Variants in ENOX1 observed in about 807,000 individuals in gnomAD.
ENOX1 encodes ecto-NOX disulfide-thiol exchanger 1, also known as candidate growth-related and time keeping constitutive hydroquinone (NADH) oxidase.
Under a neutral mutation model 82.5 loss-of-function variants are expected in ENOX1, and 42 were observed. The ratio of observed to expected loss-of-function variants is 0.51; its 90% confidence interval spans 0.40 to 0.66. The LOEUF (loss-of-function observed/expected upper bound fraction) is 0.66. ENOX1 is among the 30% of genes least tolerant of loss of function. ENOX1 has a pLI of 0.00. For missense variants in ENOX1, 608 were observed against 811.6 expected (o/e 0.75, Z 3.05); for synonymous variants, 271 against 282.2 (o/e 0.96, Z 0.40).
chr13:43,509,656 A>G (rs2077294167), intron 2 of ENOX1, among the ~76,000 whole-genome samples: 1 of 152,108 alleles, frequency 6.6e-6, no homozygotes, highest in African/African-American at 2.4e-5. Flanking sequence ...AAATGTCCAA[A>G]TAAGAAAGAT....
At chr13:43,685,994 T>C (rs1007769871) in intron 1 of ENOX1, among the ~76,000 whole-genome samples, 1 of 152,000 alleles carries the variant, frequency 6.6e-6, no homozygotes, top group Admixed American at 6.6e-5. Context: ...TCAAAAGTCA[T>C]GTATGAGTCC....
chr13:43,755,033 A>G (rs772192163), intron 1 of ENOX1, among the ~76,000 whole-genome samples: 4 of 151,838 alleles, frequency 2.6e-5, no homozygotes, highest in Non-Finnish European at 5.9e-5. Context: ...CAGAGGTCAC[A>G]TGTTTCTCCA....
At chr13:43,506,849 C>T (rs1259080735) in intron 2 of ENOX1, among the ~76,000 whole-genome samples, 31 of 143,004 alleles carry the variant, frequency 2.2e-4, no homozygotes, top group African/African-American at 4.7e-4. Context: ...GGTGGGGGGA[C>T]GGGGGAGGGA....
chr13:43,303,407 T>C (rs1437252208), intron 11 of ENOX1, among the ~76,000 whole-genome samples: 1 of 152,226 alleles, frequency 6.6e-6, no homozygotes, highest in Non-Finnish European at 1.5e-5. Flanking sequence ...GAAGCTATTC[T>C]GTGGCAGAGA....
At chr13:43,508,163 G>C (rs762556477) in intron 2 of ENOX1, among the ~76,000 whole-genome samples, 1 of 151,994 alleles carries the variant, frequency 6.6e-6, no homozygotes, top group Non-Finnish European at 1.5e-5. Flanking sequence ...AAGCTTTGGG[G>C]AAGTGACAAA....
chr13:43,466,091 A>G (rs1328869509), intron 3 of ENOX1, among the ~76,000 whole-genome samples: 1 of 152,206 alleles, frequency 6.6e-6, no homozygotes, highest in African/African-American at 2.4e-5. Flanking sequence ...GAATGTGGGT[A>G]GAAGTGATAC....
chr13:43,525,066 AT>A (rs2153684877), intron 2 of ENOX1, among the ~76,000 whole-genome samples: 1 of 152,272 alleles, frequency 6.6e-6, no homozygotes, highest in Non-Finnish European at 1.5e-5. Context: ...CACATTTAAT[AT>A]TAAATAATGT....
Position 43,621,482 on chromosome 13 carries a change from A to G in ENOX1, c.-219+45997T>C, listed in dbSNP as rs572845074. ...ATTATTTCAGCATTTGTTTGTCTGAAAAAGACTGTATCTTTCCTTCATATA... is the reference window on the plus strand; with the variant it reads ...ATTATTTCAGCATTTGTTTGTCTGAGAAAGACTGTATCTTTCCTTCATATA... On this transcript the variant is annotated intron_variant, in intron 2 of 16. Transcript: ENST00000690772. 9.2e-5 allele frequency among the ~76,000 whole-genome samples: 14 copies of G among 152,282 alleles called. No homozygotes were observed. In the East Asian group the frequency reaches 2.7e-3, roughly 29 times the overall value.
intron 2 of ENOX1, among the ~76,000 whole-genome samples, chr13:43,645,054 A>G (rs1404153573): frequency 6.6e-6 from 1 of 152,260 alleles, no homozygotes; most frequent in East Asian, 1.9e-4. Context: ...AAAATCAAAT[A>G]TAAAGAAACA....
chr13:43,243,796 G>T lies in ENOX1; in HGVS notation c.1612-7058C>A, dbSNP rs566197481. 7.2e-5 allele frequency among the ~76,000 whole-genome samples: 11 copies of T among 152,136 alleles called. No homozygotes were observed. In the South Asian group the frequency reaches 2.1e-3, roughly 29 times the overall value. On this transcript the variant is annotated intron_variant, in intron 14 of 16. Coordinates refer to ENST00000690772, the MANE Select transcript of ENOX1 (RefSeq NM_001347969.2). Reference sequence around the variant, plus strand: ...CAGATGCTGCTGCTTGGCATTTTGGGCTTACTCCTATCAAACTAGCATATC... The same window carrying T: ...CAGATGCTGCTGCTTGGCATTTTGGTCTTACTCCTATCAAACTAGCATATC...
chr13:43,781,270 A>C lies in ENOX1; in HGVS notation c.-285+5382T>G, dbSNP rs141196146. On this transcript the variant is annotated intron_variant, in intron 1 of 16. Coordinates refer to ENST00000690772, the MANE Select transcript of ENOX1 (RefSeq NM_001347969.2). ...CTTGCAGCATTACACAAAGAGGGAG[A>C]GATGATGCATTAATTCCACAAAATA... 2.7e-4 allele frequency among the ~76,000 whole-genome samples: 41 copies of C among 152,206 alleles called. No individual in the cohort carries two copies. In the East Asian group the frequency reaches 7.8e-3, roughly 29 times the overall value.
chr13:43,522,589 T>C (rs564907083), intron 2 of ENOX1, among the ~76,000 whole-genome samples: 26 of 152,202 alleles, frequency 1.7e-4, no homozygotes, highest in South Asian at 8.3e-4. Flanking sequence ...ACATCAGTGA[T>C]TTCCAAACAG....
chr13:43,325,002 A>G (rs2048029012), intron 10 of ENOX1, among the ~76,000 whole-genome samples: 1 of 152,250 alleles, frequency 6.6e-6, no homozygotes, highest in Non-Finnish European at 1.5e-5. Context: ...GAAAAAATAA[A>G]TAATTCACAG....
intron 2 of ENOX1, among the ~76,000 whole-genome samples, chr13:43,594,403 C>T (rs1426415566): frequency 3.3e-5 from 5 of 152,130 alleles, no homozygotes; most frequent in African/African-American, 2.4e-5. Context: ...TATAAAAGAA[C>T]GTGTTTGAAA....
At chr13:43,291,480 C>A (rs935779712) in intron 12 of ENOX1, among the ~76,000 whole-genome samples, 3 of 152,214 alleles carry the variant, frequency 2.0e-5, no homozygotes, top group African/African-American at 7.2e-5. Flanking sequence ...TGTGCATCTG[C>A]CTCTTCTTGC....
At chr13:43,275,624 C>T (rs1469318683) in intron 12 of ENOX1, among the ~76,000 whole-genome samples, 1 of 152,006 alleles carries the variant, frequency 6.6e-6, no homozygotes, top group Non-Finnish European at 1.5e-5. Flanking sequence ...TTTTCTTCTT[C>T]TGTTTCAGGA....
At chr13:43,412,088 T>G in intron 4 of ENOX1, 35 bp from the exon 5 acceptor site, 5 of 1,600,366 alleles carry the variant, frequency 3.1e-6, no homozygotes, top group Middle Eastern at 3.3e-4. Context: ...TTAGAGTCCA[T>G]AGGCAAGGGT....
chr13:43,340,920 T>A (rs1190772302), intron 9 of ENOX1, among the ~76,000 whole-genome samples: 1 of 152,226 alleles, frequency 6.6e-6, no homozygotes, highest in Non-Finnish European at 1.5e-5. Flanking sequence ...TGTCTCTTCC[T>A]TTGTGATGCC....
At chr13:43,499,730 A>G (rs1418018738) in intron 2 of ENOX1, among the ~76,000 whole-genome samples, 2 of 152,074 alleles carry the variant, frequency 1.3e-5, no homozygotes, top group Non-Finnish European at 2.9e-5. Context: ...CACCACCAAA[A>G]AGACAAAATA....
Sources: allele counts gnomAD v4.1 joint callset (sites outside exome capture counted in the v4.1 genomes callset), GRCh38; gene constraint gnomAD v4.1.1; transcripts MANE v1.5; gene names NCBI Gene and HGNC (gene_info 2026-07-23, HGNC 2026-07-21).